The following SOX5 variants were observed in gnomAD, a reference collection of about 807,000 sequenced individuals.
SOX5 encodes the protein transcription factor SOX-5.
Under a neutral mutation model 92.0 loss-of-function variants are expected in SOX5, and 9 were observed. The ratio of observed to expected loss-of-function variants is 0.10; its 90% CI spans 0.06 to 0.17. The LOEUF is 0.17. Ranked by LOEUF, SOX5 falls within the 10% of genes least tolerant of loss-of-function variation. The probability of loss-of-function intolerance (pLI) is 1.00; values close to 1 mark genes in which losing one functional copy is unlikely to be tolerated. For missense variants in SOX5, 642 were observed against 944.5 expected (o/e 0.68, Z 4.20); for synonymous variants, 344 against 336.3 (o/e 1.02, Z -0.25).
At chr12:24,071,432 T>C (rs539089112) in intron 4 of SOX5, among the ~76,000 whole-genome samples, 2 of 152,232 alleles carry the variant, frequency 1.3e-5, no homozygotes, top group African/African-American at 4.8e-5. Flanking sequence ...TTTTTATTTT[T>C]ATTTTTATTA....
intron 4 of SOX5, among the ~76,000 whole-genome samples, chr12:24,123,944 C>T (rs375003600): frequency 6.6e-6 from 1 of 152,174 alleles, no homozygotes; most frequent in Non-Finnish European, 1.5e-5. Context: ...AAGTTGCATG[C>T]TAAATGCAAG....
At chr12:24,345,030 T>C (rs16927486) in intron 2 of SOX5, among the ~76,000 whole-genome samples, 4,144 of 152,298 alleles carry the variant, frequency 0.027, 170 homozygotes, top group African/African-American at 0.089. Flanking sequence ...AGGAAAGTTC[T>C]TCCCTTTAAA....
At chr12:24,323,966 A>C (rs1950442592) in intron 2 of SOX5, among the ~76,000 whole-genome samples, 1 of 152,212 alleles carries the variant, frequency 6.6e-6, no homozygotes, top group Admixed American at 6.5e-5. Context: ...TATTAAATAA[A>C]TGTAAGAAAT....
At chr12:23,557,890 C>T (rs912751611) in intron 11 of SOX5, among the ~76,000 whole-genome samples, 23 of 150,748 alleles carry the variant, frequency 1.5e-4, no homozygotes, top group African/African-American at 3.7e-4. Flanking sequence ...GCAGAGGAAT[C>T]GCTTGAACCC....
rs114253309 is a variant in SOX5, at chr12:23,713,219, G to A, written c.810+21465C>T. Among the ~76,000 whole-genome samples, 347 of 152,284 alleles carry A rather than the reference G, an allele frequency of 2.3e-3. 2 individuals are homozygous for A. Among genetic ancestry groups the A allele is most frequent in the African/African-American group, 7.7e-3 (321 of 41,568 alleles). ...CCAAGCATCCCAAGGATGGCCAGGC[G>A]GCTGGCTGGCCACCAGAAGCTAGGG... On this transcript the variant is annotated intron_variant, in intron 6 of 14. Coordinates refer to ENST00000451604, the MANE Select transcript of SOX5 (RefSeq NM_006940.6).
intron 1 of SOX5, among the ~76,000 whole-genome samples, chr12:24,423,749 A>T (rs777587378): frequency 1.8e-4 from 28 of 152,348 alleles, no homozygotes; most frequent in Admixed American, 3.9e-4. Context: ...CTCAAGGGGC[A>T]TGGTGGTGAC....
chr12:24,228,678 GTGTC>G (rs1330649946), intron 3 of SOX5, among the ~76,000 whole-genome samples: 2 of 152,054 alleles, frequency 1.3e-5, no homozygotes, highest in South Asian at 2.1e-4. Context: ...GTGCGTGTGT[GTGTC>G]TGTCTCTCTC....
chr12:23,864,033 A>C (rs958803191), intron 2 of SOX5, among the ~76,000 whole-genome samples: 2 of 151,864 alleles, frequency 1.3e-5, no homozygotes, highest in African/African-American at 4.8e-5. Flanking sequence ...GCATTAAGCA[A>C]GTTTATTGGG....
chr12:24,429,212 G>A (rs1937738277), intron 1 of SOX5, among the ~76,000 whole-genome samples: 1 of 152,092 alleles, frequency 6.6e-6, no homozygotes, highest in Non-Finnish European at 1.5e-5. Context: ...AGCTACTCTG[G>A]AGGCTGAGGC....
chr12:23,635,838 A>G lies in SOX5; in HGVS notation c.1017+4974T>C, dbSNP rs189793005. The stretch of plus-strand genomic sequence containing the variant: ...CCCAAATGAGTGACAATTATGATGG[A>G]AGGAAGTGGATAGATTCTTGGTGTA... On this transcript the variant is annotated intron_variant, in intron 8 of 14. Coordinates refer to ENST00000451604, the MANE Select transcript of SOX5 (RefSeq NM_006940.6). Among the ~76,000 whole-genome samples the G allele has an allele frequency of 5.9e-5, 9 of 152,230 alleles. No homozygotes were observed. In the East Asian group the frequency reaches 1.7e-3, roughly 29 times the overall value.
chr12:24,345,584 A>C (rs1953131575), intron 2 of SOX5, among the ~76,000 whole-genome samples: 1 of 152,222 alleles, frequency 6.6e-6, no homozygotes, highest in African/African-American at 2.4e-5. Flanking sequence ...TAGATTAATT[A>C]TTATCAGAGG....
At chr12:24,005,424 G>A (rs1261451286) in intron 4 of SOX5, among the ~76,000 whole-genome samples, 1 of 151,982 alleles carries the variant, frequency 6.6e-6, no homozygotes, top group Admixed American at 6.6e-5. Context: ...TGTTACATTT[G>A]CCCACATTCT....
chr12:23,751,634 C>A (rs2094183802), intron 4 of SOX5, among the ~76,000 whole-genome samples: 1 of 151,836 alleles, frequency 6.6e-6, no homozygotes, highest in Admixed American at 6.6e-5. Flanking sequence ...ACTGAATCTA[C>A]AGAATCTACA....
chr12:23,534,114 A>C lies in SOX5; in HGVS notation c.*105T>G. ...CCAACTATTTAAGACTAACAGTTAAAGTAACAGTCAGTGTATGAGAAAGTT... is the reference window on the plus strand; with the variant it reads ...CCAACTATTTAAGACTAACAGTTAACGTAACAGTCAGTGTATGAGAAAGTT... On this transcript the variant is annotated 3_prime_UTR_variant, in exon 15 of 15. Coordinates refer to ENST00000451604, the MANE Select transcript of SOX5 (RefSeq NM_006940.6). 1 of 900,396 alleles carries C rather than the reference A, an allele frequency of 1.1e-6. No individual in the cohort carries two copies. Among genetic ancestry groups the C allele is most frequent in the Non-Finnish European group, 1.8e-6 (1 of 571,182 alleles). 55.8% of individuals were successfully genotyped at this position (900,396 alleles called of 1,614,324 possible).
chr12:24,168,026 T>G (rs977634844), intron 4 of SOX5, among the ~76,000 whole-genome samples: 1 of 152,186 alleles, frequency 6.6e-6, no homozygotes, highest in Non-Finnish European at 1.5e-5. Flanking sequence ...CTCAATTCTT[T>G]TTTTCTTTTC....
chr12:24,055,353 G>A (rs899432495), intron 4 of SOX5, among the ~76,000 whole-genome samples: 1 of 152,198 alleles, frequency 6.6e-6, no homozygotes, highest in Non-Finnish European at 1.5e-5. Context: ...ATAACTGATA[G>A]AAGTCTGTAA....
intron 4 of SOX5, among the ~76,000 whole-genome samples, chr12:24,172,230 C>T (rs1593896400): frequency 6.6e-6 from 1 of 152,000 alleles, no homozygotes; most frequent in South Asian, 2.1e-4. Flanking sequence ...TAGAGTAACA[C>T]TTCCTTTTAG....
intron 4 of SOX5, among the ~76,000 whole-genome samples, chr12:24,156,128 G>C (rs1952144878): frequency 6.6e-6 from 1 of 152,108 alleles, no homozygotes; most frequent in Non-Finnish European, 1.5e-5. Flanking sequence ...CATGGAGCGG[G>C]AAGTGCCTGG....
At chr12:24,022,495 A>G (rs1366715346) in intron 4 of SOX5, among the ~76,000 whole-genome samples, 1 of 152,164 alleles carries the variant, frequency 6.6e-6, no homozygotes, top group African/African-American at 2.4e-5. Context: ...AAATCCTGTA[A>G]GTGGAAGTAG....
Sources: allele counts gnomAD v4.1 joint callset (sites outside exome capture counted in the v4.1 genomes callset), GRCh38; gene constraint gnomAD v4.1.1; transcripts MANE v1.5; gene names NCBI Gene and HGNC (gene_info 2026-07-23, HGNC 2026-07-21).